TRPM3: variants seen among roughly 807,000 people sequenced by gnomAD.
TRPM3 encodes the protein transient receptor potential cation channel subfamily M member 3, also known as long transient receptor potential channel 3.
Under a neutral mutation model 181.2 loss-of-function variants are expected in TRPM3, and 77 were observed. The observed-to-expected ratio is 0.42, with a 90% CI of 0.35 to 0.51. TRPM3 has a LOEUF of 0.51. Among genes scored for constraint, TRPM3 ranks in the 20% least tolerant of loss-of-function variants. The pLI, the probability that TRPM3 is intolerant of heterozygous loss-of-function variation, is 0.01. For missense variants in TRPM3, 1,759 were observed against 2,196.7 expected, an observed-to-expected ratio of 0.80 and a Z score of 3.98; for synonymous variants, 745 against 796.4, an observed-to-expected ratio of 0.94 and a Z score of 1.09.
intron 1 of TRPM3, among the ~76,000 whole-genome samples, chr9:70,889,200 T>C (rs1274276333): frequency 6.6e-6 from 1 of 152,166 alleles, no homozygotes; most frequent in Admixed American, 6.5e-5. Flanking sequence ...CAAGCCCATA[T>C]GGGACAAATG....
chr9:71,114,330 T>C (rs1325972275), intron 1 of TRPM3, among the ~76,000 whole-genome samples: 1 of 152,170 alleles, frequency 6.6e-6, no homozygotes, highest in African/African-American at 2.4e-5. Flanking sequence ...GTGATAAACA[T>C]AAAAATTAAG....
rs891948448 is a variant in TRPM3, at chr9:71,275,934, C to T, written c.183+170719G>A. Among the ~76,000 whole-genome samples the T allele has an allele frequency of 6.6e-5, 10 of 151,980 alleles. No individual in the cohort carries two copies. In the East Asian group the frequency reaches 1.9e-3, roughly 29 times the overall value. On this transcript the variant is annotated intron_variant, in intron 1 of 24. Transcript: ENST00000357533. The stretch of plus-strand genomic sequence containing the variant: ...TTGGCTCACTGCAAGCTCCACCTCC[C>T]GGGTTCACGCCATTCTCCTGCCTCA...
chr9:71,308,712 C>T (rs2087622521), intron 1 of TRPM3, among the ~76,000 whole-genome samples: 1 of 151,764 alleles, frequency 6.6e-6, no homozygotes, highest in South Asian at 2.1e-4. Flanking sequence ...CAAAAATGGA[C>T]GATGAAACCA....
At chr9:70,836,702 T>C (rs2094345350) in intron 5 of TRPM3, among the ~76,000 whole-genome samples, 1 of 152,142 alleles carries the variant, frequency 6.6e-6, no homozygotes, top group Admixed American at 6.6e-5. Flanking sequence ...GCTCATCCAT[T>C]AAAAGCTGGA....
Position 71,226,009 on chromosome 9 carries a change from T to TAAAAAAAAAAAAAAAAAAAAAAAAAA in TRPM3, c.183+220618_183+220643dup. On this transcript the variant is annotated intron_variant, in intron 1 of 24. Coordinates refer to the TRPM3 transcript ENST00000357533. ...AGATATGAATAGAAACAACAAAAGGTAAAAAAAAAAAAAAAAAAAAAAAAA... is the reference window on the plus strand; with the variant it reads ...AGATATGAATAGAAACAACAAAAGGTAAAAAAAAAAAAAAAAAAAAAAAAAAAAAAAAAAAAAAAAAAAAAAAAAAA... 8.6e-5 allele frequency among the ~76,000 whole-genome samples: 3 copies of TAAAAAAAAAAAAAAAAAAAAAAAAAA among 34,706 alleles called. 1 individual carries two copies. Among genetic ancestry groups the TAAAAAAAAAAAAAAAAAAAAAAAAAA allele is most frequent in the Non-Finnish European group, 1.5e-4 (3 of 20,596 alleles). The allele number at this position is 34,706 out of a possible 152,430, so 22.8% of individuals were successfully genotyped here.
At chr9:71,188,913 A>T (rs916314853) in intron 1 of TRPM3, among the ~76,000 whole-genome samples, 4 of 151,978 alleles carry the variant, frequency 2.6e-5, no homozygotes, top group African/African-American at 9.7e-5. Context: ...TAAATGTGTA[A>T]AATTCATATT....
At chr9:70,779,602 C>T (rs1396252653) in intron 7 of TRPM3, among the ~76,000 whole-genome samples, 2 of 152,112 alleles carry the variant, frequency 1.3e-5, no homozygotes, top group South Asian at 2.1e-4. Flanking sequence ...CAGGAGTCTA[C>T]ATCCTGAAAG....
intron 1 of TRPM3, among the ~76,000 whole-genome samples, chr9:71,248,310 C>G (rs2082151812): frequency 1.3e-5 from 2 of 152,078 alleles, no homozygotes; most frequent in South Asian, 4.1e-4. Flanking sequence ...CCAATGAGAC[C>G]CGAGGGAGTT....
intron 1 of TRPM3, among the ~76,000 whole-genome samples, chr9:70,876,869 A>C (rs2095876475): frequency 2.0e-5 from 3 of 151,990 alleles, no homozygotes; most frequent in Non-Finnish European, 4.4e-5. Context: ...TAGGTTTACA[A>C]AAAAAGTTGA....
intron 1 of TRPM3, among the ~76,000 whole-genome samples, chr9:71,199,220 A>C (rs1280635174): frequency 6.6e-6 from 1 of 151,242 alleles, no homozygotes; most frequent in Non-Finnish European, 1.5e-5. Context: ...ACAGGGATGA[A>C]GCCCACTTGA....
At chr9:71,153,231 T>G (rs993540520) in intron 1 of TRPM3, among the ~76,000 whole-genome samples, 6 of 152,066 alleles carry the variant, frequency 3.9e-5, no homozygotes, top group African/African-American at 1.4e-4. Flanking sequence ...AATTAGGTGC[T>G]AAGCTCAGTG....
At chr9:70,806,705 T>TAAAAC (rs1311748301) in intron 6 of TRPM3, among the ~76,000 whole-genome samples, 2 of 151,174 alleles carry the variant, frequency 1.3e-5, no homozygotes, top group Non-Finnish European at 2.9e-5. Context: ...TAAAATAAAA[T>TAAAAC]AAAATAAAAT....
At chr9:71,199,946 T>C (rs1439738085) in intron 1 of TRPM3, among the ~76,000 whole-genome samples, 3 of 152,218 alleles carry the variant, frequency 2.0e-5, no homozygotes, top group Non-Finnish European at 4.4e-5. Flanking sequence ...GCTTTTCTAG[T>C]TCTTTTAATT....
At chr9:71,305,806 C>T (rs1319412334) in intron 1 of TRPM3, among the ~76,000 whole-genome samples, 1 of 151,986 alleles carries the variant, frequency 6.6e-6, no homozygotes, top group Non-Finnish European at 1.5e-5. Flanking sequence ...CTTTAGATCA[C>T]GGTGCCTGTT....
At position 70,697,008 on chromosome 9, in the gene TRPM3, T is replaced by G. The variant is rs552587041; in HGVS notation, c.1273-15430A>C. On this transcript the variant is annotated intron_variant, in intron 8 of 25. Transcript: ENST00000677713. ...CTGTTCCTTTTTTCAGTTTTCAATT[T>G]CAATTTGTGCTTTCCTCATGGCATT... Among the ~76,000 whole-genome samples, 4 of 152,262 alleles carry G rather than the reference T, an allele frequency of 2.6e-5. 1 individual carries two copies. Among genetic ancestry groups the G allele is most frequent in the African/African-American group, 9.6e-5 (4 of 41,536 alleles).
intron 1 of TRPM3, among the ~76,000 whole-genome samples, chr9:70,907,991 T>C (rs2096490427): frequency 6.6e-6 from 1 of 152,212 alleles, no homozygotes; most frequent in Non-Finnish European, 1.5e-5. Context: ...GTCTTTGCTA[T>C]TGGGAATAGT....
intron 25 of TRPM3, 95 bp from the exon 26 acceptor site, chr9:70,537,500 T>G (rs2042099287): frequency 8.6e-7 from 1 of 1,162,018 alleles, no homozygotes; most frequent in Non-Finnish European, 1.1e-6. Flanking sequence ...GTGCCTGACC[T>G]TGGTACCTTC....
intron 1 of TRPM3, among the ~76,000 whole-genome samples, chr9:71,209,139 T>A (rs1369230892): frequency 6.6e-6 from 1 of 152,114 alleles, no homozygotes; most frequent in Non-Finnish European, 1.5e-5. Flanking sequence ...GTTTATATTA[T>A]GTACCATGAT....
intron 1 of TRPM3, among the ~76,000 whole-genome samples, chr9:71,159,219 C>T (rs964601424): frequency 6.6e-6 from 1 of 151,202 alleles, no homozygotes; most frequent in Non-Finnish European, 1.5e-5. Context: ...CTAATCGGTT[C>T]TTTGGAGAAT....
Sources: gnomAD v4.1 joint callset for allele counts (sites outside exome capture counted in the v4.1 genomes callset) on GRCh38, gnomAD v4.1.1 for gene constraint, MANE v1.5 for transcripts, NCBI Gene and HGNC (gene_info 2026-07-23, HGNC 2026-07-21) for gene names.